Variants in UGT1A9 observed in about 807,000 individuals in gnomAD.
UGT1A9 encodes the protein UDP glucuronosyltransferase family 1 member A9, also known as UDP-glucuronosyltransferase 1A9.
Under a neutral mutation model 45.0 loss-of-function variants are expected in UGT1A9, and 35 were observed. That is an observed-to-expected ratio of 0.78 (90% CI 0.59 to 1.03). The LOEUF (loss-of-function observed/expected upper bound fraction) is 1.03. Among genes scored for constraint, UGT1A9 ranks in the 50% least tolerant of loss-of-function variants. The pLI, the probability that UGT1A9 is intolerant of heterozygous loss-of-function variation, is 0.00. For synonymous variants in UGT1A9, 278 were observed against 250.6 expected, an observed-to-expected ratio of 1.11 and a Z score of -1.03; for missense variants, 687 against 666.6, an observed-to-expected ratio of 1.03 and a Z score of -0.34.
At chr2:233,713,978 A>G in intron 1 of UGT1A9, 1 of 1,594,024 alleles carries the variant, frequency 6.3e-7, no homozygotes, top group Non-Finnish European at 8.5e-7. Flanking sequence ...TCTGCTTCTC[A>G]TTGTTGTAAT....
rs559233241 is a variant in UGT1A9 at position 233,729,998 on chromosome 2, G to A, written c.856-37036G>A. 3 of 1,613,920 alleles carry A rather than the reference G, an allele frequency of 1.9e-6. No individual in the cohort carries two copies. In the East Asian group the frequency reaches 6.7e-5, roughly 36 times the overall value. On this transcript the variant is annotated intron_variant, in intron 1 of 4. Coordinates refer to ENST00000354728, the MANE Select transcript of UGT1A9 (RefSeq NM_021027.3). Reference sequence around the variant, plus strand: ...AACAGGAAGCCACTATCTCAGGTCTGTATTGGTGCCTTCATCCAATCAATG... The same window carrying A: ...AACAGGAAGCCACTATCTCAGGTCTATATTGGTGCCTTCATCCAATCAATG...
intron 1 of UGT1A9, chr2:233,691,672 T>C (rs927700420): frequency 1.0e-6 from 1 of 973,966 alleles, no homozygotes; most frequent in Non-Finnish European, 1.2e-6. Flanking sequence ...TGGGCCTCAG[T>C]TGAGAAACCT....
At position 233,769,778 on chromosome 2, in the gene UGT1A9, C is replaced by T. The variant is rs1165754282; in HGVS notation, c.1295+1339C>T. On this transcript the variant is annotated intron_variant, in intron 4 of 4. Coordinates refer to ENST00000354728, the MANE Select transcript of UGT1A9 (RefSeq NM_021027.3). The surrounding 1 kb of genome is among the most constrained non-coding windows in gnomAD (Gnocchi z 4.4). Reference sequence around the variant, plus strand: ...GCTAAGGCGGGAGGATTGCTTGAGCCCAGAAGTTGGAGGCTGCTATGAGCC... The same window carrying T: ...GCTAAGGCGGGAGGATTGCTTGAGCTCAGAAGTTGGAGGCTGCTATGAGCC... 2 of 1,373,484 alleles carry T rather than the reference C, an allele frequency of 1.5e-6. No individual in the cohort carries two copies. Among genetic ancestry groups the T allele is most frequent in the East Asian group, 5.2e-5 (2 of 38,786 alleles). The allele number at this position is 1,373,484 out of a possible 1,614,324, so 85.1% of individuals were successfully genotyped here.
chr2:233,735,441 C>T (rs867526694), intron 1 of UGT1A9, among the ~76,000 whole-genome samples: 5 of 151,950 alleles, frequency 3.3e-5, no homozygotes, highest in African/African-American at 9.7e-5. Flanking sequence ...TACAGCATAC[C>T]GATGGGCCTT....
At chr2:233,756,818 C>T (rs1022493170) in intron 1 of UGT1A9, among the ~76,000 whole-genome samples, 38 of 151,930 alleles carry the variant, frequency 2.5e-4, no homozygotes, top group Admixed American at 5.2e-4. Flanking sequence ...CACTCAATTC[C>T]AAGGGGAAAA....
At chr2:233,690,705 G>A (rs563167001) in intron 1 of UGT1A9, 68 of 1,228,730 alleles carry the variant, frequency 5.5e-5, no homozygotes, top group African/African-American at 9.5e-5. Context: ...TTTAGGGATC[G>A]TCATTATGAC....
intron 1 of UGT1A9, among the ~76,000 whole-genome samples, chr2:233,703,995 G>T: frequency 6.6e-6 from 1 of 151,778 alleles, no homozygotes. Context: ...GGTTCAAGCA[G>T]TTCTCCCACC....
Position 233,724,489 on chromosome 2 carries a change from G to A in UGT1A9, c.856-42545G>A, listed in dbSNP as rs571092299. Among the ~76,000 whole-genome samples the A allele has an allele frequency of 7.6e-3, 558 of 73,198 alleles. 28 individuals carry two copies. The highest frequency in any genetic ancestry group is 0.012 in the Non-Finnish European group (429 of 34,572). 48.0% of individuals were successfully genotyped at this position (73,198 alleles called of 152,430 possible). A position where few individuals can be genotyped will look rare whatever the true frequency, so the allele number is the denominator to read the frequency against. ...GGGCTCCTCACTTCTCAGACGGGGC[G>A]GCCGGGCAGAGACGCTCCTCACCTC... On this transcript the variant is annotated intron_variant, in intron 1 of 4. Coordinates refer to ENST00000354728, the MANE Select transcript of UGT1A9 (RefSeq NM_021027.3).
intron 1 of UGT1A9, among the ~76,000 whole-genome samples, chr2:233,735,494 C>G (rs1320863859): frequency 6.6e-6 from 1 of 152,164 alleles, no homozygotes; most frequent in East Asian, 1.9e-4. Context: ...TTAATTGCAG[C>G]ATTTAGCCCA....
rs552536149 is a variant in UGT1A9 at position 233,737,258 on chromosome 2, C to T, written c.856-29776C>T. Among the ~76,000 whole-genome samples, 3 of 152,360 alleles carry T rather than the reference C, an allele frequency of 2.0e-5. No individual in the cohort carries two copies. In the East Asian group the frequency reaches 5.8e-4, roughly 29 times the overall value. On this transcript the variant is annotated intron_variant, in intron 1 of 4. Coordinates refer to ENST00000354728, the MANE Select transcript of UGT1A9 (RefSeq NM_021027.3). Reference sequence around the variant, plus strand: ...CTTTGTTTACCTACTCAAGCCTCAGCAATGGCGGACACCCCTCACCCAGCC... The same window carrying T: ...CTTTGTTTACCTACTCAAGCCTCAGTAATGGCGGACACCCCTCACCCAGCC...
intron 1 of UGT1A9, among the ~76,000 whole-genome samples, chr2:233,765,845 C>T (rs1255338105): frequency 6.6e-6 from 1 of 152,028 alleles, no homozygotes; most frequent in East Asian, 1.9e-4. Context: ...TCCTTGTCCC[C>T]CTCACAGAGC....
intron 1 of UGT1A9, chr2:233,681,965 C>T: frequency 2.5e-6 from 4 of 1,614,102 alleles, no homozygotes; most frequent in Non-Finnish European, 3.4e-6. Flanking sequence ...GACTGGCCTC[C>T]TTCCCCTATA....
intron 1 of UGT1A9, chr2:233,690,602 C>T (rs560704774): frequency 1.1e-5 from 14 of 1,288,534 alleles, no homozygotes; most frequent in Admixed American, 4.6e-5. Flanking sequence ...AAAAAAAAAT[C>T]GGCCTTTGCC....
intron 1 of UGT1A9, among the ~76,000 whole-genome samples, chr2:233,751,173 T>C (rs1694658856): frequency 6.6e-6 from 1 of 151,974 alleles, no homozygotes; most frequent in Non-Finnish European, 1.5e-5. Context: ...GACCTAGATA[T>C]GAGACATGAA....
chr2:233,724,563 G>A, intron 1 of UGT1A9, among the ~76,000 whole-genome samples: 1 of 129,616 alleles, frequency 7.7e-6, no homozygotes, highest in Non-Finnish European at 1.6e-5. Flanking sequence ...CCCAGATGGG[G>A]CGGCGGGGCA....
At chr2:233,692,123 G>A (rs1308996203) in intron 1 of UGT1A9, 2 of 152,152 alleles carry the variant, frequency 1.3e-5, no homozygotes, top group African/African-American at 4.8e-5. Context: ...AATCAATCAT[G>A]CCTACTATGT....
intron 1 of UGT1A9, chr2:233,754,468 G>A: frequency 1.1e-5 from 4 of 357,086 alleles, no homozygotes; most frequent in Non-Finnish European, 1.7e-5. Context: ...TGTTCTGAAA[G>A]TAAAGTTCAC....
chr2:233,727,264 C>T (rs1345980059), intron 1 of UGT1A9, among the ~76,000 whole-genome samples: 1 of 152,152 alleles, frequency 6.6e-6, no homozygotes, highest in East Asian at 1.9e-4. Flanking sequence ...CAGACCCCTC[C>T]TCATCTCCAG....
chr2:233,712,954 G>C, intron 1 of UGT1A9: 1 of 1,612,846 alleles, frequency 6.2e-7, no homozygotes, highest in East Asian at 2.2e-5. Context: ...GAGGCACAAC[G>C]TGGGGTGGAC....
Sources: allele counts gnomAD v4.1 joint callset (sites outside exome capture counted in the v4.1 genomes callset), GRCh38; gene constraint gnomAD v4.1.1; non-coding constraint Gnocchi (gnomAD v3.1); transcripts MANE v1.5; gene names NCBI Gene and HGNC (gene_info 2026-07-23, HGNC 2026-07-21).